CERCAM: variants seen among roughly 807,000 people sequenced by gnomAD.
CERCAM encodes the protein inactive glycosyltransferase 25 family member 3.
CERCAM carries 59 observed loss-of-function variants against 66.0 expected under a neutral mutation model. The observed-to-expected ratio is 0.89, with a 90% CI of 0.73 to 1.11. CERCAM has a LOEUF of 1.11. CERCAM is among the 50% of genes most tolerant of loss of function. The pLI, the probability that CERCAM is intolerant of heterozygous loss-of-function variation, is 0.00. For missense variants in CERCAM, 840 were observed against 828.3 expected, an observed-to-expected ratio of 1.01 and a Z score of -0.17; for synonymous variants, 318 against 343.6, an observed-to-expected ratio of 0.93 and a Z score of 0.83.
Position 128,424,403 on chromosome 9 carries a change from T to C in CERCAM, c.562-7T>C. On this transcript the variant is annotated splice_region_variant and splice_polypyrimidine_tract_variant and intron_variant, in intron 4 of 12. Transcript: ENST00000372838. ...CTCTCACAGCCCAAAGCATCCCTTT[T>C]CCCCAGGGCTACTACCGCCGCACAG... 1.2e-6 allele frequency: 2 copies of C among 1,613,786 alleles called. No individual in the cohort carries two copies. The highest frequency in any genetic ancestry group is 1.7e-6 in the Non-Finnish European group (2 of 1,179,976).
At chr9:128,427,125 T>G (rs998257884) in intron 5 of CERCAM, among the ~76,000 whole-genome samples, 2 of 152,262 alleles carry the variant, frequency 1.3e-5, no homozygotes. Flanking sequence ...TTGTTTGTTT[T>G]TTTTTAAGAC....
intron 8 of CERCAM, among the ~76,000 whole-genome samples, chr9:128,429,327 TC>T (rs1833922449): frequency 1.3e-5 from 2 of 152,128 alleles, no homozygotes; most frequent in African/African-American, 4.8e-5. Flanking sequence ...GCTACCCCCA[TC>T]TCTCAGCCCG....
rs1317340792 is a variant in CERCAM at position 128,435,846 on chromosome 9, C to G, written c.1729C>G (p.Leu577Val). The G allele has an allele frequency of 1.9e-6, 3 of 1,610,068 alleles. No homozygotes were observed. Among genetic ancestry groups the G allele is most frequent in the African/African-American group, 2.7e-5 (2 of 74,902 alleles). ...CCAAAAGACCCTGCGCAGCCCCCGC[C>G]TGGACCTGACTGGCAGCAGCGGGCA... ...GSQKTLRSPR[L>V]DLTGSSGHSL... is the part of the protein sequence containing the mutation. Residue 577 changes from leucine (L) to valine (V), a missense_variant, in exon 12 of 13, where the codon CTG becomes GTG. Transcript: ENST00000372838.
At position 128,428,952 on chromosome 9, in the gene CERCAM, G is replaced by A. The variant is rs748054332; in HGVS notation, c.986G>A (p.Arg329His). Residue 329 changes from arginine to histidine, a missense_variant, in exon 8 of 13, where the codon CGC (arginine) becomes CAC (histidine). Transcript: ENST00000372838. ...CAGGTCTTTGTCATCAGCCTGGCTCGCAGGCCTGACCGTCGGGAACGCATG... is the reference window on the plus strand; with the variant it reads ...CAGGTCTTTGTCATCAGCCTGGCTCACAGGCCTGACCGTCGGGAACGCATG... ...FDEVFVISLA[R>H]RPDRRERMLA... is the part of the protein sequence containing the mutation. 7.5e-6 allele frequency: 12 copies of A among 1,609,896 alleles called. No homozygotes were observed. In the East Asian group the frequency reaches 1.1e-4, roughly 15 times the overall value.
In CERCAM at chr9:128,429,349, C is replaced by T. The variant is rs1833923351; in HGVS notation, c.1070+313C>T. Among the ~76,000 whole-genome samples the T allele has an allele frequency of 2.6e-5, 4 of 152,150 alleles. No homozygotes were observed. In the South Asian group the frequency reaches 8.3e-4, roughly 32 times the overall value. On this transcript the variant is annotated intron_variant, in intron 8 of 12. Transcript: ENST00000372838. Reference sequence around the variant, plus strand: ...CCATCTCTCAGCCCGTTTGTATAAACAGCAGATAACTGTGCCCTTCTCTTA... The same window carrying T: ...CCATCTCTCAGCCCGTTTGTATAAATAGCAGATAACTGTGCCCTTCTCTTA...
Position 128,429,056 on chromosome 9 carries a change from G to T in CERCAM, c.1070+20G>T, listed in dbSNP as rs775014926. 3.2e-6 allele frequency: 5 copies of T among 1,557,146 alleles called. No individual in the cohort carries two copies. The highest frequency in any genetic ancestry group is 4.5e-5 in the East Asian group (2 of 44,152). ...TGGCTGGTGAGCCTGCCTGGTGGGG[G>T]GGGCCCTGTGCGCTTGGGGAAGCAG... is the stretch of plus-strand genomic sequence containing the variant. On this transcript the variant is annotated intron_variant, in intron 8 of 12. Transcript: ENST00000372838.
At chr9:128,422,566 T>C in intron 1 of CERCAM, 1 of 294,200 alleles carries the variant, frequency 3.4e-6, no homozygotes, top group Non-Finnish European at 6.5e-6. Context: ...AGATTCCATC[T>C]CAAAAAAAAT....
At position 128,435,743 on chromosome 9, in the gene CERCAM, C is replaced by T. The variant is rs749452119; in HGVS notation, c.1626C>T (p.Asp542=). ...LLAAPTHYAG[D]AEWLSDTETS... ...CTGCCCCTACCCACTATGCCGGGGA[C>T]GCCGAGTGGCTCAGTGACACGGAGA... Residue 542 remains aspartate (D), a synonymous_variant, in exon 12 of 13, where the codon GAC becomes GAT. Coordinates refer to ENST00000372838, the MANE Select transcript of CERCAM (RefSeq NM_016174.5). 7 of 1,613,548 alleles carry T rather than the reference C, an allele frequency of 4.3e-6. No homozygotes were observed. The highest frequency in any genetic ancestry group is 1.1e-5 in the South Asian group (1 of 90,960).
At position 128,435,811 on chromosome 9, in the gene CERCAM, G is replaced by A; in HGVS notation, c.1694G>A (p.Trp565Ter). The change falls in exon 12 of 13, where the codon TGG (tryptophan) becomes TAG (stop). Residue 565 changes from tryptophan (W) to a stop codon, truncating the protein, a stop_gained. Coordinates refer to ENST00000372838, the MANE Select transcript of CERCAM (RefSeq NM_016174.5). LOFTEE classifies it high-confidence loss of function. Reference sequence around the variant, plus strand: ...GATGACAGCGGCCGCCTCATCAGCTGGAGCGGCTCCCAAAAGACCCTGCGC... The same window carrying A: ...GATGACAGCGGCCGCCTCATCAGCTAGAGCGGCTCCCAAAAGACCCTGCGC... ...WDDDSGRLISWSGSQKTLRSP... is the reference protein window; with the variant it reads ...WDDDSGRLIS 1 of 1,612,000 alleles carries A rather than the reference G, an allele frequency of 6.2e-7. No homozygotes were observed. The highest frequency in any genetic ancestry group is 8.5e-7 in the Non-Finnish European group (1 of 1,179,482).
At chr9:128,432,438 G>A (rs1333423264) in intron 9 of CERCAM, among the ~76,000 whole-genome samples, 3 of 147,940 alleles carry the variant, frequency 2.0e-5, no homozygotes, top group African/African-American at 7.5e-5. Context: ...AGGCGGGAGT[G>A]CAGTGGCGTG....
At chr9:128,423,539 C>A (rs768143925) in intron 3 of CERCAM, among the ~76,000 whole-genome samples, 3 of 151,294 alleles carry the variant, frequency 2.0e-5, no homozygotes, top group Non-Finnish European at 4.4e-5. Context: ...ATGGCATGAA[C>A]CTGGGAGGTA....
chr9:128,428,225 G>C, intron 5 of CERCAM, 77 bp from the exon 6 acceptor site: 1 of 1,535,374 alleles, frequency 6.5e-7, no homozygotes, highest in Non-Finnish European at 8.8e-7. Context: ...CACTGGCAGT[G>C]CTGGGCCTAG....
In CERCAM at chr9:128,435,795, G is replaced by A. The variant is rs376945364; in HGVS notation, c.1678G>A (p.Gly560Ser). ...ETSSPWDDDSGRLISWSGSQK... is the reference protein window; with the variant it reads ...ETSSPWDDDSSRLISWSGSQK... Reference sequence around the variant, plus strand: ...ATCCTCTCCATGGGATGATGACAGCGGCCGCCTCATCAGCTGGAGCGGCTC... The same window carrying A: ...ATCCTCTCCATGGGATGATGACAGCAGCCGCCTCATCAGCTGGAGCGGCTC... Residue 560 changes from glycine to serine, a missense_variant, in exon 12 of 13, where the codon GGC becomes AGC. By Grantham distance (56) the Gly-to-Ser change is moderately conservative. Coordinates refer to ENST00000372838, the MANE Select transcript of CERCAM (RefSeq NM_016174.5). The A allele has an allele frequency of 1.7e-4, 274 of 1,612,504 alleles. No homozygotes were observed. Among genetic ancestry groups the A allele is most frequent in the Non-Finnish European group, 2.2e-4 (255 of 1,179,642 alleles).
In CERCAM at chr9:128,436,845, C is replaced by T. The variant is rs1834125219; in HGVS notation, c.*1-4C>T. 1 of 152,372 alleles carries T rather than the reference C, an allele frequency of 6.6e-6. No homozygotes were observed. The highest frequency in any genetic ancestry group is 2.1e-4 in the South Asian group (1 of 4,836). The allele number at this position is 152,372 out of a possible 1,614,324, so 9.4% of individuals were successfully genotyped here. On this transcript the variant is annotated splice_region_variant and splice_polypyrimidine_tract_variant and intron_variant, in intron 12 of 12. Transcript: ENST00000372838. Reference sequence around the variant, plus strand: ...TTCTCTTCCTGCTCCTCCTGTCCCACCAGGTCCAGGTGATGACTGCAAAGC... The same window carrying T: ...TTCTCTTCCTGCTCCTCCTGTCCCATCAGGTCCAGGTGATGACTGCAAAGC...
intron 5 of CERCAM, among the ~76,000 whole-genome samples, chr9:128,426,598 C>T (rs751200929): frequency 5.6e-4 from 82 of 147,226 alleles, no homozygotes; most frequent in Non-Finnish European, 9.5e-4. Flanking sequence ...CCAGCCTGGG[C>T]GACAGAGCGA....
At chr9:128,428,082 C>T (rs1022087566) in intron 5 of CERCAM, among the ~76,000 whole-genome samples, 25 of 152,152 alleles carry the variant, frequency 1.6e-4, no homozygotes, top group African/African-American at 5.8e-4. Context: ...CAGCGGGTGC[C>T]CTGGACAGGT....
At position 128,424,097 on chromosome 9, in the gene CERCAM, G is replaced by A; in HGVS notation, c.427-41G>A. ...TCAGTGAACTCCTTGGGGGGCTGCA[G>A]CCCAGGCAGGGCTGGAGCCTGTGAC... On this transcript the variant is annotated intron_variant, in intron 3 of 12. Coordinates refer to ENST00000372838, the MANE Select transcript of CERCAM (RefSeq NM_016174.5). The A allele has an allele frequency of 3.1e-6, 5 of 1,600,392 alleles. 1 individual carries two copies. In the South Asian group the frequency reaches 5.7e-5, roughly 18 times the overall value.
chr9:128,435,703 C>T lies in CERCAM; in HGVS notation c.1586C>T (p.Ala529Val). 3 of 1,613,828 alleles carry T rather than the reference C, an allele frequency of 1.9e-6. No individual in the cohort carries two copies. The highest frequency in any genetic ancestry group is 2.5e-6 in the Non-Finnish European group (3 of 1,179,952). ...CCACGGGACCTGGTGGCCTTCTCCG[C>T]CCAGCCCCTGCTCGCTGCCCCTACC... Reference protein sequence around the residue: ...FWPRDLVAFSAQPLLAAPTHY... With the variant: ...FWPRDLVAFSVQPLLAAPTHY... The change falls in exon 12 of 13, where the codon GCC becomes GTC. Residue 529 changes from alanine to valine, a missense_variant. Physicochemically the swap from Ala to Val is moderately conservative, Grantham distance 64 (BLOSUM62 0). Transcript: ENST00000372838.
At chr9:128,421,575 G>A in intron 1 of CERCAM, 5 of 942,202 alleles carry the variant, frequency 5.3e-6, no homozygotes, top group Non-Finnish European at 6.3e-6. Flanking sequence ...CCCCCCCACC[G>A]CCCCCGTGCT....
Sources: gnomAD v4.1 joint callset for allele counts (sites outside exome capture counted in the v4.1 genomes callset) on GRCh38, gnomAD v4.1.1 for gene constraint, MANE v1.5 for transcripts, NCBI Gene and HGNC (gene_info 2026-07-23, HGNC 2026-07-21) for gene names.